Variants in METAP1D observed in about 807,000 individuals in gnomAD.
METAP1D encodes the protein methionine aminopeptidase 1D, mitochondrial.
Under a neutral mutation model 40.5 loss-of-function variants are expected in METAP1D, and 31 were observed. That is an observed-to-expected ratio of 0.77 (90% CI 0.58 to 1.03). The LOEUF (loss-of-function observed/expected upper bound fraction) is 1.03, where lower values mean the gene tolerates loss of function less well. METAP1D is among the 50% of genes least tolerant of loss of function. The pLI, the probability that METAP1D is intolerant of heterozygous loss-of-function variation, is 0.00. For synonymous variants in METAP1D, 151 were observed against 146.4 expected, an observed-to-expected ratio of 1.03 and a Z score of -0.22; for missense variants, 411 against 420.7, an observed-to-expected ratio of 0.98 and a Z score of 0.20.
At chr2:172,008,569 A>G (rs904306608) in intron 1 of METAP1D, among the ~76,000 whole-genome samples, 1 of 152,190 alleles carries the variant, frequency 6.6e-6, no homozygotes, top group Non-Finnish European at 1.5e-5. Context: ...GCTTTTTCCT[A>G]TACACACATT....
chr2:172,071,911 C>T (rs922971981), intron 6 of METAP1D, among the ~76,000 whole-genome samples: 1 of 151,962 alleles, frequency 6.6e-6, no homozygotes, highest in Admixed American at 6.6e-5. Flanking sequence ...TTTTTTTCTT[C>T]GTAAGCCTTC....
In METAP1D at chr2:172,077,913, A is replaced by G. The variant is rs747575905; in HGVS notation, c.802+19A>G. 7.2e-7 allele frequency: 1 copy of G among 1,389,116 alleles called. No homozygotes were observed. The highest frequency in any genetic ancestry group is 1.2e-5 in the South Asian group (1 of 84,638). 86.0% of individuals were successfully genotyped at this position (1,389,116 alleles called of 1,614,324 possible). On this transcript the variant is annotated intron_variant, in intron 7 of 9. Transcript: ENST00000315796. ...CATCATGGTAAGAAAGTTCATTTGG[A>G]GGCTGTTTCTTGATCAGAGATCAAG...
chr2:172,003,199 G>A lies in METAP1D; in HGVS notation c.40+3190G>A, dbSNP rs2105367900. ...GAGGAAAAGACAGATCAGCCTCTTGGAACCAAGAGAGAAGGTAACAAGGGC... is the reference window on the plus strand; with the variant it reads ...GAGGAAAAGACAGATCAGCCTCTTGAAACCAAGAGAGAAGGTAACAAGGGC... On this transcript the variant is annotated intron_variant, in intron 1 of 9. Coordinates refer to ENST00000315796, the MANE Select transcript of METAP1D (RefSeq NM_199227.3). Among the ~76,000 whole-genome samples the A allele has an allele frequency of 3.3e-5, 5 of 152,240 alleles. 1 individual carries two copies. In the South Asian group the frequency reaches 1.0e-3, roughly 32 times the overall value.
chr2:172,052,424 G>A (rs1490600788), intron 1 of METAP1D, among the ~76,000 whole-genome samples: 1 of 152,186 alleles, frequency 6.6e-6, no homozygotes, highest in African/African-American at 2.4e-5. Context: ...TTTCCTGTAA[G>A]TTCAATTGGA....
chr2:172,000,293 CA>C (rs781638066), intron 1 of METAP1D, among the ~76,000 whole-genome samples: 5 of 152,236 alleles, frequency 3.3e-5, no homozygotes, highest in Non-Finnish European at 5.9e-5. Flanking sequence ...TTTTTTTCCC[CA>C]ACTTCGGTTG....
At chr2:172,015,654 G>T (rs1028115531) in intron 1 of METAP1D, among the ~76,000 whole-genome samples, 3 of 152,054 alleles carry the variant, frequency 2.0e-5, no homozygotes, top group African/African-American at 7.2e-5. Flanking sequence ...CTGCAGTCAA[G>T]TGACCTTTGA....
At chr2:172,069,038 C>T (rs946002976) in intron 5 of METAP1D, among the ~76,000 whole-genome samples, 1 of 152,118 alleles carries the variant, frequency 6.6e-6, no homozygotes, top group Non-Finnish European at 1.5e-5. Context: ...TCTACCGTAG[C>T]CTCCCAAGTA....
chr2:172,061,943 C>G, intron 2 of METAP1D: 1 of 199,440 alleles, frequency 5.0e-6, no homozygotes, highest in East Asian at 1.1e-4. Context: ...TAAAACTATA[C>G]GTATGTAGTT....
chr2:172,012,059 GT>G (rs1469659091), intron 1 of METAP1D, among the ~76,000 whole-genome samples: 1 of 152,178 alleles, frequency 6.6e-6, no homozygotes, highest in Non-Finnish European at 1.5e-5. Flanking sequence ...TCACAACCTT[GT>G]TTTTCCTTTG....
chr2:172,019,181 A>G (rs190507224), intron 1 of METAP1D, among the ~76,000 whole-genome samples: 7 of 152,212 alleles, frequency 4.6e-5, no homozygotes, highest in African/African-American at 1.7e-4. Context: ...GTGAGAACCC[A>G]TCTCTACAGA....
intron 1 of METAP1D, among the ~76,000 whole-genome samples, chr2:172,004,856 G>A (rs1431010718): frequency 2.6e-5 from 4 of 152,052 alleles, no homozygotes; most frequent in Non-Finnish European, 5.9e-5. Flanking sequence ...TGGCTCTAAA[G>A]TGCTCCTAAA....
At position 172,042,765 on chromosome 2, in the gene METAP1D, G is replaced by GTC. The variant is rs1171795294; in HGVS notation, c.41-18732_41-18731insCT. ...TGTGTATATGTACACATATACGTGTGTGTGTATATGTACACATATACGTGT... is the reference window on the plus strand; with the variant it reads ...TGTGTATATGTACACATATACGTGTGTCTGTGTATATGTACACATATACGTGT... On this transcript the variant is annotated intron_variant, in intron 1 of 9. Coordinates refer to ENST00000315796, the MANE Select transcript of METAP1D (RefSeq NM_199227.3). Among the ~76,000 whole-genome samples, 6 of 48,300 alleles carry GTC rather than the reference G, an allele frequency of 1.2e-4. 3 individuals are homozygous for GTC. Among genetic ancestry groups the GTC allele is most frequent in the Admixed American group, 1.1e-3 (4 of 3,806 alleles). The allele number at this position is 48,300 out of a possible 152,430, so 31.7% of individuals were successfully genotyped here. A position where few individuals can be genotyped will look rare whatever the true frequency, so the allele number is the denominator to read the frequency against.
intron 1 of METAP1D, among the ~76,000 whole-genome samples, chr2:172,014,172 C>T (rs1688794644): frequency 2.0e-5 from 3 of 151,286 alleles, no homozygotes; most frequent in Non-Finnish European, 4.4e-5. Context: ...GGCTGGAGTG[C>T]AGTAGCAGGA....
At chr2:172,031,968 G>A (rs1461783682) in intron 1 of METAP1D, among the ~76,000 whole-genome samples, 1 of 152,166 alleles carries the variant, frequency 6.6e-6, no homozygotes, top group African/African-American at 2.4e-5. Flanking sequence ...TTGCCCGGCT[G>A]GTCAAACATG....
In METAP1D at chr2:172,073,391, A is replaced by G. The variant is rs138859414; in HGVS notation, c.704+2321A>G. On this transcript the variant is annotated intron_variant, in intron 6 of 9. Transcript: ENST00000315796. ...ATTAATTCTAGCTACATTAAAAAAA[A>G]AAGAAGAAGAAGAAGAAGAGTAGAA... Among the ~76,000 whole-genome samples the G allele has an allele frequency of 4.8e-3, 730 of 152,222 alleles. 6 individuals carry two copies. The highest frequency in any genetic ancestry group is 6.3e-3 in the Non-Finnish European group (427 of 68,002).
At chr2:172,068,893 T>C (rs1336861935) in intron 5 of METAP1D, among the ~76,000 whole-genome samples, 1 of 151,858 alleles carries the variant, frequency 6.6e-6, no homozygotes, top group Non-Finnish European at 1.5e-5. Flanking sequence ...TCCCTTCCTT[T>C]CTTTTTCTTT....
intron 1 of METAP1D, among the ~76,000 whole-genome samples, chr2:172,038,292 T>C (rs1276192155): frequency 6.6e-6 from 1 of 152,228 alleles, no homozygotes; most frequent in African/African-American, 2.4e-5. Context: ...TATGAGCTAC[T>C]GGGCTAGCTG....
At chr2:172,063,513 C>G (rs1328539897) in intron 2 of METAP1D, among the ~76,000 whole-genome samples, 198 bp from the exon 3 acceptor site, 1 of 152,104 alleles carries the variant, frequency 6.6e-6, no homozygotes, top group Non-Finnish European at 1.5e-5. Flanking sequence ...CCAGAGGCAG[C>G]ACTAACAGGC....
At chr2:172,078,481 T>G (rs1396955288) in intron 7 of METAP1D, among the ~76,000 whole-genome samples, 1 of 152,106 alleles carries the variant, frequency 6.6e-6, no homozygotes, top group East Asian at 1.9e-4. Flanking sequence ...TGGATTGAGG[T>G]AGGAGGCAGC....
Sources: gnomAD v4.1 joint callset for allele counts (sites outside exome capture counted in the v4.1 genomes callset) on GRCh38, gnomAD v4.1.1 for gene constraint, MANE v1.5 for transcripts, NCBI Gene and HGNC (gene_info 2026-07-23, HGNC 2026-07-21) for gene names.